The following POLN variants were observed in gnomAD, a reference collection of about 807,000 sequenced individuals.
POLN encodes the protein DNA polymerase nu.
POLN carries 108 observed loss-of-function variants against 113.5 expected under a neutral mutation model. The ratio of observed to expected loss-of-function variants is 0.95; its 90% confidence interval spans 0.81 to 1.12. The LOEUF (loss-of-function observed/expected upper bound fraction) is 1.12, where lower values mean the gene tolerates loss of function less well. POLN is among the 50% of genes most tolerant of loss of function. The pLI, the probability that POLN is intolerant of heterozygous loss-of-function variation, is 0.00. For missense variants in POLN, 1,097 were observed against 1,077.1 expected (o/e 1.02, Z -0.26); for synonymous variants, 386 against 391.5 (o/e 0.99, Z 0.17).
intron 19 of POLN, among the ~76,000 whole-genome samples, chr4:2,110,554 G>GAT (rs1731166666): frequency 6.6e-6 from 1 of 151,862 alleles, no homozygotes; most frequent in Admixed American, 6.6e-5. Flanking sequence ...ATGACAAAGG[G>GAT]GATATCACCA....
At chr4:2,169,284 A>G (rs186659629) in intron 13 of POLN, among the ~76,000 whole-genome samples, 56 of 152,342 alleles carry the variant, frequency 3.7e-4, no homozygotes, top group Middle Eastern at 6.8e-3. Context: ...GACTTTTCCA[A>G]TGCTTTTAAA....
At chr4:2,125,643 G>A (rs1731559908) in intron 19 of POLN, among the ~76,000 whole-genome samples, 1 of 152,128 alleles carries the variant, frequency 6.6e-6, no homozygotes, top group Non-Finnish European at 1.5e-5. Context: ...CAGAGAGCAG[G>A]GAGAAGTCAG....
chr4:2,194,019 C>A (rs993432028), intron 6 of POLN, among the ~76,000 whole-genome samples: 1 of 152,158 alleles, frequency 6.6e-6, no homozygotes, highest in African/African-American at 2.4e-5. Context: ...TGAATACTTA[C>A]CATGTGCCAG....
At chr4:2,121,414 G>A (rs1731436765) in intron 19 of POLN, among the ~76,000 whole-genome samples, 1 of 143,442 alleles carries the variant, frequency 7.0e-6, no homozygotes. Flanking sequence ...CAGCCTGGGT[G>A]ACAGAGCGAG....
At position 2,190,459 on chromosome 4, in the gene POLN, C is replaced by T. The variant is rs531359664; in HGVS notation, c.1021+2745G>A. On this transcript the variant is annotated intron_variant, in intron 7 of 25. Transcript: ENST00000511885. ...AAAACATTGGGAAAATGCTCCAGTG[C>T]ATTTGTCTGGGCAATGATTTTTTTT... Among the ~76,000 whole-genome samples the T allele has an allele frequency of 2.0e-5, 3 of 147,506 alleles. No individual in the cohort carries two copies. The East Asian group carries it at 5.9e-4, about 29-fold the overall frequency.
chr4:2,163,515 C>G (rs1406381696), intron 13 of POLN, among the ~76,000 whole-genome samples: 3 of 152,358 alleles, frequency 2.0e-5, no homozygotes, highest in African/African-American at 4.8e-5. Flanking sequence ...CGCTCTGCGC[C>G]GGCTGCAGAC....
At chr4:2,190,949 G>C (rs1465300346) in intron 7 of POLN, among the ~76,000 whole-genome samples, 1 of 152,124 alleles carries the variant, frequency 6.6e-6, no homozygotes, top group African/African-American at 2.4e-5. Context: ...CAGCCACTAT[G>C]GAAAACAGTA....
chr4:2,179,090 G>C (rs916096162), intron 8 of POLN, among the ~76,000 whole-genome samples: 6 of 152,210 alleles, frequency 3.9e-5, no homozygotes, highest in African/African-American at 1.4e-4. Flanking sequence ...ACTATGGACA[G>C]ATTTCCTAGG....
intron 5 of POLN, among the ~76,000 whole-genome samples, chr4:2,200,379 CG>C (rs1490016644): frequency 6.6e-6 from 1 of 152,138 alleles, no homozygotes; most frequent in East Asian, 1.9e-4. Flanking sequence ...AGGCTTGCAT[CG>C]TGAACTTTTG....
In POLN at chr4:2,080,193, G is replaced by A. The variant is rs77856161; in HGVS notation, c.2387+765C>T. ...CACAAGGAGAACGAGGAGAGGAGGT[G>A]TCTGGGTCACCACTTGCAGCACCCC... On this transcript the variant is annotated intron_variant, in intron 23 of 25. Transcript: ENST00000511885. The A allele has an allele frequency of 5.0e-4, 491 of 987,336 alleles. 6 individuals carry two copies. In the African/African-American group the frequency reaches 7.6e-3, roughly 15 times the overall value. 61.2% of individuals were successfully genotyped at this position (987,336 alleles called of 1,614,324 possible). A position where few individuals can be genotyped will look rare whatever the true frequency, so the allele number is the denominator to read the frequency against.
chr4:2,193,350 AT>A (rs1268399562), intron 6 of POLN, 34 bp from the exon 7 acceptor site: 1 of 1,464,990 alleles, frequency 6.8e-7, no homozygotes, highest in Admixed American at 2.0e-5. Flanking sequence ...TGATTTAAAC[AT>A]TAATTTGGGA....
chr4:2,094,946 C>T (rs1730749518), intron 20 of POLN, among the ~76,000 whole-genome samples: 1 of 152,104 alleles, frequency 6.6e-6, no homozygotes, highest in South Asian at 2.1e-4. Flanking sequence ...ATCTTCTTTT[C>T]AGGGTCTTTG....
chr4:2,236,134 G>T (rs1040524714), intron 2 of POLN: 2 of 671,176 alleles, frequency 3.0e-6, no homozygotes, highest in African/African-American at 3.6e-5. Context: ...ATGAAATTGG[G>T]GTAATATTTT....
At chr4:2,231,772 T>C (rs1560102210) in intron 2 of POLN, 4 of 535,012 alleles carry the variant, frequency 7.5e-6, no homozygotes, top group South Asian at 2.5e-5. Flanking sequence ...CTGAATGTAC[T>C]ACATGAGAAA....
intron 7 of POLN, among the ~76,000 whole-genome samples, chr4:2,190,492 TACA>T (rs1274376183): frequency 6.7e-6 from 1 of 148,364 alleles, no homozygotes; most frequent in Non-Finnish European, 1.5e-5. Flanking sequence ...TTTTTTTTAC[TACA>T]ACTTCAAAAG....
intron 20 of POLN, among the ~76,000 whole-genome samples, chr4:2,092,759 C>A (rs1474313690): frequency 6.6e-6 from 1 of 152,250 alleles, no homozygotes; most frequent in African/African-American, 2.4e-5. Context: ...CACGTCACTA[C>A]AATCCGCTGA....
chr4:2,128,234 G>C lies in POLN; in HGVS notation c.1868-7C>G. On this transcript the variant is annotated splice_region_variant and splice_polypyrimidine_tract_variant and intron_variant, in intron 18 of 25. Transcript: ENST00000511885. ...AATTCAATCTGTGAAAAGTCTGTGA[G>C]ATACAGTTCTGCATTAATTTAGAGT... 1 of 1,556,972 alleles carries C rather than the reference G, an allele frequency of 6.4e-7. No homozygotes were observed. Among genetic ancestry groups the C allele is most frequent in the Non-Finnish European group, 8.9e-7 (1 of 1,129,454 alleles).
At chr4:2,223,262 G>C (rs770463089) in intron 3 of POLN, among the ~76,000 whole-genome samples, 2 of 152,126 alleles carry the variant, frequency 1.3e-5, no homozygotes, top group African/African-American at 2.4e-5. Flanking sequence ...AACCCCTGAA[G>C]TGAGGACCAG....
chr4:2,147,931 C>T (rs1476945260), intron 16 of POLN, among the ~76,000 whole-genome samples: 1 of 152,122 alleles, frequency 6.6e-6, no homozygotes, highest in Non-Finnish European at 1.5e-5. Context: ...GCATGAGCCA[C>T]CGTGCCCAGC....
Sources: allele counts gnomAD v4.1 joint callset (sites outside exome capture counted in the v4.1 genomes callset), GRCh38; gene constraint gnomAD v4.1.1; transcripts MANE v1.5; gene names NCBI Gene and HGNC (gene_info 2026-07-23, HGNC 2026-07-21).